ERMAP: variants seen among roughly 807,000 people sequenced by gnomAD.
The protein encoded by ERMAP is erythroid membrane-associated protein.
A neutral mutation model predicts 49.5 loss-of-function variants in ERMAP; 34 were observed. That is an observed-to-expected ratio of 0.69 (90% CI 0.52 to 0.91). The LOEUF is 0.91. ERMAP is among the 40% of genes least tolerant of loss of function. ERMAP has a pLI of 0.00. For synonymous variants in ERMAP, 214 were observed against 232.2 expected (o/e 0.92, Z 0.71); for missense variants, 541 against 582.6 (o/e 0.93, Z 0.74).
In ERMAP at chr1:42,843,195, G is replaced by C; in HGVS notation, c.1391G>C (p.Gly464Ala). 1 of 1,605,018 alleles carries C rather than the reference G, an allele frequency of 6.2e-7. No individual in the cohort carries two copies. The highest frequency in any genetic ancestry group is 1.1e-5 in the South Asian group (1 of 89,458). Residue 464 changes from glycine to alanine, a missense_variant, in exon 12 of 12, where the codon GGC becomes GCC. Gly to Ala is a moderately conservative substitution (Grantham distance 60). Coordinates refer to ENST00000372517, the MANE Select transcript of ERMAP (RefSeq NM_001017922.2). ...ATCCTGTCCTTGCCCCCTGACCTTGGCCCAGCCCTTCAGGAGCTCAAGGCT... is the reference window on the plus strand; with the variant it reads ...ATCCTGTCCTTGCCCCCTGACCTTGCCCCAGCCCTTCAGGAGCTCAAGGCT... ...DIILSLPPDL[G>A]PALQELKAPS...
chr1:42,839,889 C>A, intron 8 of ERMAP, 144 bp from the exon 9 acceptor site: 1 of 800,210 alleles, frequency 1.2e-6, no homozygotes, highest in Non-Finnish European at 2.1e-6. Context: ...GGATCTACTG[C>A]TCTTGCAAAC....
intron 8 of ERMAP, 178 bp from the exon 9 acceptor site, chr1:42,839,855 G>T: frequency 4.6e-6 from 3 of 651,728 alleles, no homozygotes; most frequent in Non-Finnish European, 5.4e-6. Context: ...GTATCTCTGG[G>T]GATACTCCCA....
At chr1:42,839,988 A>G (rs1655010008) in intron 8 of ERMAP, 45 bp from the exon 9 acceptor site, 22 of 1,582,670 alleles carry the variant, frequency 1.4e-5, no homozygotes, top group Non-Finnish European at 1.6e-5. Context: ...GGGCCTCTAC[A>G]TAGAGGCCCT....
At chr1:42,830,687 C>T in intron 3 of ERMAP, 81 bp from the exon 4 acceptor site, 1 of 1,433,170 alleles carries the variant, frequency 7.0e-7, no homozygotes, top group Non-Finnish European at 9.4e-7. Flanking sequence ...CTGTCCGTCC[C>T]CGGGATATCC....
chr1:42,836,096 C>T (rs1472217541), intron 6 of ERMAP, among the ~76,000 whole-genome samples: 1 of 152,082 alleles, frequency 6.6e-6, no homozygotes, highest in African/African-American at 2.4e-5. Flanking sequence ...ATACTAGATT[C>T]TGGGGATGCA....
At chr1:42,842,238 TTAAATCA>T (rs1339370589) in intron 11 of ERMAP, among the ~76,000 whole-genome samples, 1 of 152,234 alleles carries the variant, frequency 6.6e-6, no homozygotes, top group Non-Finnish European at 1.5e-5. Context: ...AGGGACACAC[TTAAATCA>T]TAACAGGTAG....
At chr1:42,831,556 T>G (rs1462983165) in intron 4 of ERMAP, among the ~76,000 whole-genome samples, 2 of 40,532 alleles carry the variant, frequency 4.9e-5, no homozygotes, top group Admixed American at 6.5e-4. Context: ...AGAGATAGTG[T>G]TTTTTTTTTT....
chr1:42,830,437 G>T lies in ERMAP; in HGVS notation c.-5-7G>T, dbSNP rs1389369302. ...CCGCTTGTGCTGTCTCCCTCTGTCT[G>T]TCCTAGTTCGGATGGAGATGGCGAG... On this transcript the variant is annotated splice_region_variant and splice_polypyrimidine_tract_variant and intron_variant, in intron 2 of 11. Transcript: ENST00000372517. 6.2e-7 allele frequency: 1 copy of T among 1,613,696 alleles called. No individual in the cohort carries two copies. The highest frequency in any genetic ancestry group is 2.2e-5 in the East Asian group (1 of 44,874).
At chr1:42,841,698 G>T (rs1655061534) in intron 11 of ERMAP, among the ~76,000 whole-genome samples, 1 of 152,170 alleles carries the variant, frequency 6.6e-6, no homozygotes, top group South Asian at 2.1e-4. Flanking sequence ...GGAAACTAAG[G>T]TTCAGAGATG....
At chr1:42,840,397 T>C in intron 11 of ERMAP, 101 bp downstream of exon 11, 1 of 1,395,272 alleles carries the variant, frequency 7.2e-7, no homozygotes, top group Non-Finnish European at 1.0e-6. Flanking sequence ...GCAGGTAATT[T>C]AAAAATTTTT....
In ERMAP at chr1:42,825,277, G is replaced by A. The variant is rs561473931; in HGVS notation, c.-121-346G>A. ...TAAAGAAGGTGGTTAATTGGTGGAT[G>A]TCTTTGAAACCAATCTTCCAATTTA... On this transcript the variant is annotated intron_variant, in intron 1 of 11. Transcript: ENST00000372517. Among the ~76,000 whole-genome samples the A allele has an allele frequency of 1.4e-4, 22 of 152,324 alleles. No individual in the cohort carries two copies. The South Asian group carries it at 3.7e-3, about 26-fold the overall frequency.
chr1:42,835,781 G>A lies in ERMAP; in HGVS notation c.583+17G>A, dbSNP rs1654877904. 1 of 1,599,180 alleles carries A rather than the reference G, an allele frequency of 6.3e-7. No individual in the cohort carries two copies. Among genetic ancestry groups the A allele is most frequent in the African/African-American group, 1.3e-5 (1 of 74,146 alleles). On this transcript the variant is annotated intron_variant, in intron 6 of 11. Coordinates refer to ENST00000372517, the MANE Select transcript of ERMAP (RefSeq NM_001017922.2). ...CGGAGGTGGGTAAGTGTTCTTGGCT[G>A]GGGGGCAGGGGAGATGTTTCTTTTG...
At position 42,843,312 on chromosome 1, in the gene ERMAP, A is replaced by G. The variant is rs1655122407; in HGVS notation, c.*80A>G. The G allele has an allele frequency of 9.7e-7, 1 of 1,033,022 alleles. No homozygotes were observed. Among genetic ancestry groups the G allele is most frequent in the Non-Finnish European group, 1.4e-6 (1 of 719,612 alleles). The allele number at this position is 1,033,022 out of a possible 1,614,324, so 64.0% of individuals were successfully genotyped here. A position where few individuals can be genotyped will look rare whatever the true frequency, so the allele number is the denominator to read the frequency against. ...AGTCGCCTGGCCCAACCCCATGATTATGGAACGTCTCTTCACCTTAACCCA... is the reference window on the plus strand; with the variant it reads ...AGTCGCCTGGCCCAACCCCATGATTGTGGAACGTCTCTTCACCTTAACCCA... On this transcript the variant is annotated 3_prime_UTR_variant, in exon 12 of 12. Transcript: ENST00000372517.
intron 2 of ERMAP, among the ~76,000 whole-genome samples, chr1:42,827,347 T>C (rs1481737323): frequency 1.3e-5 from 2 of 152,154 alleles, no homozygotes; most frequent in Non-Finnish European, 2.9e-5. Flanking sequence ...TTTATTTTTA[T>C]ATTTTTTTGT....
At chr1:42,820,647 C>CA (rs1274006288) in intron 1 of ERMAP, among the ~76,000 whole-genome samples, 1 of 152,138 alleles carries the variant, frequency 6.6e-6, no homozygotes, top group Non-Finnish European at 1.5e-5. Flanking sequence ...ATTTCTGCTA[C>CA]AAAAATGTTA....
At chr1:42,831,924 G>GA (rs1252991462) in intron 4 of ERMAP, among the ~76,000 whole-genome samples, 1 of 152,020 alleles carries the variant, frequency 6.6e-6, no homozygotes, top group Admixed American at 6.6e-5. Context: ...ACAGTTTACT[G>GA]AAAATCAGTC....
chr1:42,839,112 C>A, intron 8 of ERMAP, 191 bp downstream of exon 8: 1 of 786,196 alleles, frequency 1.3e-6, no homozygotes, highest in Non-Finnish European at 2.1e-6. Context: ...TCCTGCACAA[C>A]TATTATTTAG....
chr1:42,817,286 A>G, intron 1 of ERMAP, 33 bp downstream of exon 1: 2 of 1,215,682 alleles, frequency 1.6e-6, no homozygotes, highest in Middle Eastern at 2.2e-4. Flanking sequence ...CACTGGACCC[A>G]GCGCTGCCTG....
At chr1:42,832,539 G>A (rs1225656326) in intron 4 of ERMAP, among the ~76,000 whole-genome samples, 1 of 151,638 alleles carries the variant, frequency 6.6e-6, no homozygotes, top group African/African-American at 2.4e-5. Flanking sequence ...GCTAATTTTT[G>A]TATTTTTAGT....
Sources: allele counts gnomAD v4.1 joint callset (sites outside exome capture counted in the v4.1 genomes callset), GRCh38; gene constraint gnomAD v4.1.1; transcripts MANE v1.5; gene names NCBI Gene and HGNC (gene_info 2026-07-23, HGNC 2026-07-21).